The following LDLRAD3 variants were observed in gnomAD, a reference collection of about 807,000 sequenced individuals.
LDLRAD3 encodes the protein low-density lipoprotein receptor class A domain-containing protein 3.
In LDLRAD3, 20 loss-of-function variants were observed where a neutral mutation model predicts 29.4. The ratio of observed to expected loss-of-function variants is 0.68; its 90% confidence interval spans 0.48 to 0.99. The LOEUF (loss-of-function observed/expected upper bound fraction) is 0.99, where lower values mean the gene tolerates loss of function less well. Among genes scored for constraint, LDLRAD3 ranks in the 50% least tolerant of loss-of-function variants. LDLRAD3 has a pLI of 0.00. For missense variants in LDLRAD3, 420 were observed against 454.3 expected (o/e 0.92, Z 0.69); for synonymous variants, 157 against 192.7 (o/e 0.81, Z 1.53).
chr11:36,126,670 A>G (rs755167356), intron 4 of LDLRAD3, among the ~76,000 whole-genome samples: 7 of 152,156 alleles, frequency 4.6e-5, no homozygotes, highest in Non-Finnish European at 1.0e-4. Flanking sequence ...CAATAATGGG[A>G]TGCTGGGTGG....
intron 4 of LDLRAD3, among the ~76,000 whole-genome samples, chr11:36,101,090 C>CT (rs1408033033): frequency 6.6e-6 from 1 of 152,176 alleles, no homozygotes; most frequent in Non-Finnish European, 1.5e-5. Flanking sequence ...AGAATCTCAG[C>CT]TTTGTGCCTT....
Position 35,944,759 on chromosome 11 carries a change from G to A in LDLRAD3, c.46+615G>A, listed in dbSNP as rs1305983837. Among the ~76,000 whole-genome samples, 1 of 152,230 alleles carries A rather than the reference G, an allele frequency of 6.6e-6. No homozygotes were observed. The highest frequency in any genetic ancestry group is 6.5e-5 in the Admixed American group (1 of 15,288). ...TTCCCCACTGATCCTGGGAACCGAA[G>A]CTTTATTTAAGACGTCTGACCACCC... On this transcript the variant is annotated intron_variant, in intron 1 of 5. Transcript: ENST00000315571. This position sits in a 1 kb window ranked among gnomAD's most constrained non-coding sequence, Gnocchi z 4.9.
At chr11:36,053,904 C>T (rs1377826028) in intron 2 of LDLRAD3, among the ~76,000 whole-genome samples, 1 of 151,010 alleles carries the variant, frequency 6.6e-6, no homozygotes, top group African/African-American at 2.4e-5. Context: ...GTTAGCTATG[C>T]CCACAGACAA....
At position 36,033,755 on chromosome 11, in the gene LDLRAD3, C is replaced by T. The variant is rs762164211; in HGVS notation, c.47-2348C>T. On this transcript the variant is annotated intron_variant, in intron 1 of 5. Transcript: ENST00000315571. ...AGTACCTGGCTGCCCTTCTAGGGTC[C>T]CCCTCAAGCCCTTGCCTGGAGATGG... is the stretch of plus-strand genomic sequence containing the variant. Among the ~76,000 whole-genome samples the T allele has an allele frequency of 1.9e-4, 29 of 152,118 alleles. 1 individual carries two copies. The highest frequency in any genetic ancestry group is 3.1e-4 in the Non-Finnish European group (21 of 68,026).
chr11:36,048,688 C>G (rs1852487561), intron 2 of LDLRAD3, among the ~76,000 whole-genome samples: 1 of 152,142 alleles, frequency 6.6e-6, no homozygotes, highest in African/African-American at 2.4e-5. Context: ...CCATTCTAAT[C>G]CTATTCTGGT....
At chr11:36,083,735 T>TACACACAC (rs59333454) in intron 3 of LDLRAD3, among the ~76,000 whole-genome samples, 12 of 126,790 alleles carry the variant, frequency 9.5e-5, no homozygotes, top group African/African-American at 1.5e-4. Context: ...AGGGAGAAAT[T>TACACACAC]ACACACACAC....
intron 1 of LDLRAD3, among the ~76,000 whole-genome samples, chr11:35,994,864 A>G (rs1441328017): frequency 6.6e-6 from 1 of 152,232 alleles, no homozygotes; most frequent in African/African-American, 2.4e-5. Context: ...TGTAAGAAGC[A>G]GCTCCTCATC....
intron 1 of LDLRAD3, among the ~76,000 whole-genome samples, chr11:35,989,680 G>T (rs1851663432): frequency 6.6e-6 from 1 of 152,132 alleles, no homozygotes; most frequent in Non-Finnish European, 1.5e-5. Flanking sequence ...AAATGGGATT[G>T]TGTTCTTGAT....
At chr11:35,964,432 G>A (rs1478155210) in intron 1 of LDLRAD3, among the ~76,000 whole-genome samples, 1 of 152,150 alleles carries the variant, frequency 6.6e-6, no homozygotes, top group East Asian at 1.9e-4. Flanking sequence ...TGGTAGATGG[G>A]GTAGTGATGA....
At chr11:36,145,416 A>G (rs368056923) in intron 4 of LDLRAD3, among the ~76,000 whole-genome samples, 9 of 101,748 alleles carry the variant, frequency 8.8e-5, no homozygotes, top group East Asian at 8.2e-4. Context: ...CAGCCACCCC[A>G]TCCGGGAGGT....
At chr11:36,028,807 C>T (rs894099040) in intron 1 of LDLRAD3, among the ~76,000 whole-genome samples, 1 of 152,088 alleles carries the variant, frequency 6.6e-6, no homozygotes, top group Non-Finnish European at 1.5e-5. Flanking sequence ...GCTTCTTGGC[C>T]TACACTGCCT....
intron 4 of LDLRAD3, among the ~76,000 whole-genome samples, chr11:36,104,290 C>T (rs1853494425): frequency 6.6e-6 from 1 of 152,222 alleles, no homozygotes; most frequent in African/African-American, 2.4e-5. Context: ...CAAACAGAGA[C>T]ATCTGCAGCC....
intron 4 of LDLRAD3, among the ~76,000 whole-genome samples, chr11:36,210,438 A>G (rs1855268669): frequency 6.6e-6 from 1 of 152,080 alleles, no homozygotes; most frequent in African/African-American, 2.4e-5. Context: ...AGGGCTTTCA[A>G]CAGGGATTCT....
chr11:36,119,127 C>T (rs551861856), intron 4 of LDLRAD3, among the ~76,000 whole-genome samples: 11 of 152,042 alleles, frequency 7.2e-5, no homozygotes, highest in Non-Finnish European at 1.5e-4. Context: ...AAAAAAGGTT[C>T]GTCCGTAATT....
Position 36,229,250 on chromosome 11 carries a change from C to T in LDLRAD3, c.891C>T (p.Ser297=), listed in dbSNP as rs765688357. The change falls in exon 6 of 6, where the codon TCC becomes TCT. Residue 297 remains serine, a synonymous_variant. Transcript: ENST00000315571. ...ACCTGCCCCCCTACCGCTCCCGGTC[C>T]GGGAGTGCCAACAGTGCCAGCTCCC... ...QADLPPYRSR[S]GSANSASSQA... 5.1e-5 allele frequency: 82 copies of T among 1,613,982 alleles called. No homozygotes were observed. The highest frequency in any genetic ancestry group is 6.4e-5 in the Non-Finnish European group (75 of 1,180,008).
intron 1 of LDLRAD3, among the ~76,000 whole-genome samples, chr11:35,965,942 T>C (rs1323355426): frequency 6.6e-6 from 1 of 152,228 alleles, no homozygotes; most frequent in Non-Finnish European, 1.5e-5. Flanking sequence ...AGATCCTGAC[T>C]GTTATTAACT....
intron 4 of LDLRAD3, among the ~76,000 whole-genome samples, chr11:36,143,667 G>A (rs1019075743): frequency 6.6e-6 from 1 of 152,096 alleles, no homozygotes; most frequent in Non-Finnish European, 1.5e-5. Context: ...CTTAAATAAC[G>A]GAAATGCATC....
At chr11:36,199,602 C>T (rs368604325) in intron 4 of LDLRAD3, among the ~76,000 whole-genome samples, 28 of 128,934 alleles carry the variant, frequency 2.2e-4, no homozygotes, top group Admixed American at 8.9e-4. Context: ...CGCACGCGTG[C>T]GCGCACACGC....
chr11:36,078,524 A>G (rs890813128), intron 2 of LDLRAD3, among the ~76,000 whole-genome samples: 10 of 152,222 alleles, frequency 6.6e-5, no homozygotes, highest in Non-Finnish European at 1.3e-4. Context: ...ACTTTGCTCC[A>G]TGATCTGAGT....
Sources: gnomAD v4.1 joint callset for allele counts (sites outside exome capture counted in the v4.1 genomes callset) on GRCh38, gnomAD v4.1.1 for gene constraint, Gnocchi (gnomAD v3.1) non-coding constraint, MANE v1.5 for transcripts, NCBI Gene and HGNC (gene_info 2026-07-23, HGNC 2026-07-21) for gene names.